CORIN: variants seen among roughly 807,000 people sequenced by gnomAD.
CORIN encodes corin, serine peptidase.
Under a neutral mutation model 125.3 loss-of-function variants are expected in CORIN, and 117 were observed. The observed-to-expected ratio is 0.93, with a 90% CI of 0.80 to 1.09. The LOEUF is 1.09. Among genes scored for constraint, CORIN ranks in the 50% least tolerant of loss-of-function variants. The pLI is 0.00. For missense variants in CORIN, 1,253 were observed against 1,306.7 expected, an observed-to-expected ratio of 0.96 and a Z score of 0.63; for synonymous variants, 450 against 466.4, an observed-to-expected ratio of 0.96 and a Z score of 0.45.
At chr4:47,725,458 AATAGACCCACGAGAAT>A (rs1727548028) in intron 5 of CORIN, among the ~76,000 whole-genome samples, 2 of 152,136 alleles carry the variant, frequency 1.3e-5, no homozygotes, top group African/African-American at 4.8e-5. Context: ...ACAGTCCAGA[AATAGACCCACGAGAAT>A]AAGGTCAATT....
At chr4:47,682,809 C>T (rs1725348334) in intron 7 of CORIN, 2 of 152,162 alleles carry the variant, frequency 1.3e-5, no homozygotes, top group Non-Finnish European at 2.9e-5. Context: ...TCTAGTCACA[C>T]AGGAATGGTT....
chr4:47,683,933 C>T, intron 6 of CORIN, 95 bp from the exon 7 acceptor site: 1 of 844,254 alleles, frequency 1.2e-6, no homozygotes. Context: ...GAAGGGACAC[C>T]CTAATGGTAA....
intron 4 of CORIN, among the ~76,000 whole-genome samples, chr4:47,752,772 A>AAAT (rs1381152750): frequency 1.3e-5 from 2 of 151,142 alleles, no homozygotes; most frequent in Non-Finnish European, 2.9e-5. Flanking sequence ...AAGAGAATAT[A>AAAT]AAAGTCCATA....
intron 16 of CORIN, among the ~76,000 whole-genome samples, chr4:47,631,879 A>C (rs1722820937): frequency 6.6e-6 from 1 of 152,200 alleles, no homozygotes; most frequent in Non-Finnish European, 1.5e-5. Flanking sequence ...TTGCTTCTTG[A>C]GGAATTGTGT....
chr4:47,607,857 G>A (rs962961337), intron 19 of CORIN, among the ~76,000 whole-genome samples: 3 of 151,634 alleles, frequency 2.0e-5, no homozygotes, highest in African/African-American at 7.3e-5. Flanking sequence ...TGAGGCAGGA[G>A]AATCACTTAA....
intron 1 of CORIN, among the ~76,000 whole-genome samples, chr4:47,814,892 T>G (rs1327913513): frequency 6.6e-6 from 1 of 152,174 alleles, no homozygotes; most frequent in Non-Finnish European, 1.5e-5. Context: ...CAGCACCAGA[T>G]AGTCCTCTCC....
chr4:47,753,736 C>T (rs145541895), intron 4 of CORIN, among the ~76,000 whole-genome samples: 19 of 152,168 alleles, frequency 1.2e-4, no homozygotes, highest in Non-Finnish European at 2.5e-4. Context: ...CCCTGAAAAT[C>T]GCTGTTACTC....
chr4:47,822,241 C>T lies in CORIN; in HGVS notation c.64-15194G>A, dbSNP rs953310685. Among the ~76,000 whole-genome samples the T allele has an allele frequency of 6.6e-5, 10 of 152,128 alleles. No homozygotes were observed. The South Asian group carries it at 1.0e-3, about 16-fold the overall frequency. ...TTGAAGGTACAGTATAAGGAACTGA[C>T]CCATTTTCTTCTGACTTTTCTTCTG... On this transcript the variant is annotated intron_variant, in intron 1 of 21. Coordinates refer to ENST00000273857, the MANE Select transcript of CORIN (RefSeq NM_006587.4).
At chr4:47,764,699 G>A (rs752698879) in intron 3 of CORIN, among the ~76,000 whole-genome samples, 1 of 152,118 alleles carries the variant, frequency 6.6e-6, no homozygotes, top group Non-Finnish European at 1.5e-5. Flanking sequence ...CCATTACTTA[G>A]AGCTAATGTA....
At chr4:47,810,166 TTTTG>T (rs139290660) in intron 1 of CORIN, among the ~76,000 whole-genome samples, 22,333 of 152,060 alleles carry the variant, frequency 0.15, 2,062 homozygotes, top group East Asian at 0.29. Flanking sequence ...GGTTTTGGGC[TTTTG>T]TTTGTTTGTT....
At chr4:47,832,408 T>TTTTTC (rs1239322915) in intron 1 of CORIN, among the ~76,000 whole-genome samples, 4 of 151,642 alleles carry the variant, frequency 2.6e-5, no homozygotes, top group African/African-American at 7.3e-5. Flanking sequence ...ACAGGAAAAC[T>TTTTTC]TTTTCTTTTC....
intron 2 of CORIN, among the ~76,000 whole-genome samples, chr4:47,799,657 G>A (rs913617732): frequency 4.6e-5 from 7 of 152,114 alleles, no homozygotes; most frequent in East Asian, 1.9e-4. Flanking sequence ...TTGAAGATGC[G>A]TGGGAAAACC....
At chr4:47,690,995 A>G (rs1725740445) in intron 6 of CORIN, among the ~76,000 whole-genome samples, 1 of 152,238 alleles carries the variant, frequency 6.6e-6, no homozygotes, top group South Asian at 2.1e-4. Context: ...TGATATGTTC[A>G]TGGGAAAGGG....
intron 19 of CORIN, among the ~76,000 whole-genome samples, chr4:47,605,094 C>T (rs1721600101): frequency 6.6e-6 from 1 of 152,130 alleles, no homozygotes; most frequent in Admixed American, 6.5e-5. Context: ...TCTCTTCATC[C>T]AGGTCTCAAC....
At chr4:47,660,506 A>G (rs1013665259) in intron 12 of CORIN, among the ~76,000 whole-genome samples, 1 of 152,224 alleles carries the variant, frequency 6.6e-6, no homozygotes, top group Non-Finnish European at 1.5e-5. Flanking sequence ...TGATTTAAAA[A>G]TGGACAAAAG....
At chr4:47,612,940 G>C (rs1721926341) in intron 19 of CORIN, among the ~76,000 whole-genome samples, 1 of 152,186 alleles carries the variant, frequency 6.6e-6, no homozygotes, top group South Asian at 2.1e-4. Context: ...AAAAATGCAA[G>C]AGAAGGGTTT....
At chr4:47,615,173 C>T (rs925514265) in intron 19 of CORIN, among the ~76,000 whole-genome samples, 1 of 152,046 alleles carries the variant, frequency 6.6e-6, no homozygotes, top group Non-Finnish European at 1.5e-5. Context: ...TGGTTAGAGC[C>T]CAGTGAGTGA....
At chr4:47,827,703 T>C (rs1299977752) in intron 1 of CORIN, among the ~76,000 whole-genome samples, 4 of 152,228 alleles carry the variant, frequency 2.6e-5, no homozygotes, top group Non-Finnish European at 4.4e-5. Flanking sequence ...TTTATTATGT[T>C]TTTTTAAAAA....
At chr4:47,793,065 A>G (rs1731147664) in intron 2 of CORIN, among the ~76,000 whole-genome samples, 2 of 152,116 alleles carry the variant, frequency 1.3e-5, no homozygotes, top group Non-Finnish European at 2.9e-5. Flanking sequence ...ACTTTATTGA[A>G]TATAAAGGGC....
Sources: gnomAD v4.1 joint callset for allele counts (sites outside exome capture counted in the v4.1 genomes callset) on GRCh38, gnomAD v4.1.1 for gene constraint, MANE v1.5 for transcripts, NCBI Gene and HGNC (gene_info 2026-07-23, HGNC 2026-07-21) for gene names.